The following RNF38 variants were observed in gnomAD, a reference collection of about 807,000 sequenced individuals.
The protein encoded by RNF38 is E3 ubiquitin-protein ligase RNF38.
Under a neutral mutation model 67.2 loss-of-function variants are expected in RNF38, and 15 were observed. That is an observed-to-expected ratio of 0.22 (90% CI 0.15 to 0.34). RNF38 has a LOEUF of 0.34. Ranked by LOEUF, RNF38 falls within the 10% of genes least tolerant of loss-of-function variation. The probability of loss-of-function intolerance (pLI) is 1.00; values close to 1 mark genes in which losing one functional copy is unlikely to be tolerated. For synonymous variants in RNF38, 220 were observed against 218.8 expected, an observed-to-expected ratio of 1.01 and a Z score of -0.05; for missense variants, 524 against 639.9, an observed-to-expected ratio of 0.82 and a Z score of 1.95.
intron 1 of RNF38, among the ~76,000 whole-genome samples, chr9:36,476,193 C>T (rs1038354654): frequency 6.6e-5 from 10 of 152,060 alleles, no homozygotes; most frequent in African/African-American, 9.7e-5. Context: ...GGCGTGATCT[C>T]GACTCACTGC....
chr9:36,416,900 G>GTGCC (rs990627115), intron 2 of RNF38, among the ~76,000 whole-genome samples: 1 of 151,840 alleles, frequency 6.6e-6, no homozygotes, highest in African/African-American at 2.4e-5. Flanking sequence ...TTACAGGCAT[G>GTGCC]TGCCACATGC....
intron 1 of RNF38, among the ~76,000 whole-genome samples, chr9:36,481,006 T>TC (rs1840246183): frequency 6.6e-6 from 1 of 151,310 alleles, no homozygotes; most frequent in African/African-American, 2.4e-5. Flanking sequence ...TAGCTTTTTT[T>TC]CTTCTCTTTC....
intron 2 of RNF38, among the ~76,000 whole-genome samples, chr9:36,389,139 A>C (rs1348647724): frequency 6.6e-6 from 1 of 152,142 alleles, no homozygotes; most frequent in Non-Finnish European, 1.5e-5. Context: ...CAAGGAAAAT[A>C]AGGCTTAAGT....
At chr9:36,369,069 C>A (rs1472532225) in intron 4 of RNF38, among the ~76,000 whole-genome samples, 1 of 152,062 alleles carries the variant, frequency 6.6e-6, no homozygotes, top group East Asian at 1.9e-4. Context: ...CTATGAAAAC[C>A]TATAAGCAAA....
At chr9:36,420,536 A>AAAAAAAAAAAAAAAAAAAAAC (rs1289466551) in intron 2 of RNF38, among the ~76,000 whole-genome samples, 1 of 149,504 alleles carries the variant, frequency 6.7e-6, no homozygotes, top group Non-Finnish European at 1.5e-5. Context: ...TGTCTCCAAA[A>AAAAAAAAAAAAAAAAAAAAAC]AAAAAAAAAA....
chr9:36,345,414 G>A (rs1047747317), intron 9 of RNF38, among the ~76,000 whole-genome samples: 8 of 152,166 alleles, frequency 5.3e-5, no homozygotes, highest in African/African-American at 1.9e-4. Flanking sequence ...CTTTGACCCT[G>A]TGAGCTGGAT....
At chr9:36,433,442 T>G (rs1172582965) in intron 1 of RNF38, among the ~76,000 whole-genome samples, 1 of 151,672 alleles carries the variant, frequency 6.6e-6, no homozygotes, top group Non-Finnish European at 1.5e-5. Context: ...TAAAAATTTT[T>G]AAAAAAGAAA....
rs1408658361 is a variant in RNF38, at chr9:36,353,229, A to T, written c.1012T>A (p.Ser338Thr). ...PSAHPPTLPP[S>T]APLQFLTHDP... The stretch of plus-strand genomic sequence containing the variant: ...TGTGTTAAGAACTGCAAGGGAGCTG[A>T]TGGAGGTAATGTTGGGGGGTGGGCT... Residue 338 changes from serine (S) to threonine (T), a missense_variant, in exon 7 of 12, where the codon TCA (serine) becomes ACA (threonine). Physicochemically the swap from Ser to Thr is moderately conservative, Grantham distance 58. This residue lies in a region of RNF38 where 461 missense variants were observed against 517.4 expected (regional missense o/e 0.89). Transcript: ENST00000259605. 1.2e-6 allele frequency: 2 copies of T among 1,613,254 alleles called. No homozygotes were observed. The highest frequency in any genetic ancestry group is 1.7e-6 in the Non-Finnish European group (2 of 1,179,232).
intron 9 of RNF38, among the ~76,000 whole-genome samples, chr9:36,350,602 T>G (rs982355550): frequency 3.9e-5 from 6 of 152,244 alleles, no homozygotes; most frequent in African/African-American, 1.4e-4. Context: ...CTCAAACATT[T>G]TGGCTTCCAC....
At chr9:36,450,093 C>T (rs1839400625) in intron 1 of RNF38, among the ~76,000 whole-genome samples, 1 of 152,096 alleles carries the variant, frequency 6.6e-6, no homozygotes, top group South Asian at 2.1e-4. Flanking sequence ...ACATAAACTT[C>T]ACCATTTTAA....
chr9:36,484,507 T>C (rs758947567), intron 1 of RNF38, among the ~76,000 whole-genome samples: 10 of 152,206 alleles, frequency 6.6e-5, no homozygotes, highest in Non-Finnish European at 1.3e-4. Context: ...CTCTATACCC[T>C]ACACCCAACA....
chr9:36,342,226 G>A (rs1832908954), intron 11 of RNF38, 99 bp downstream of exon 11: 1 of 824,566 alleles, frequency 1.2e-6, no homozygotes, highest in Non-Finnish European at 2.0e-6. Flanking sequence ...TTTCCATTTT[G>A]TCTTCCTTCC....
At chr9:36,366,664 G>A (rs748189262) in intron 4 of RNF38, among the ~76,000 whole-genome samples, 9 of 152,060 alleles carry the variant, frequency 5.9e-5, no homozygotes, top group Non-Finnish European at 1.2e-4. Flanking sequence ...TGCTGGCTTG[G>A]CCTACTGAAT....
chr9:36,450,242 T>G (rs999183741), intron 1 of RNF38, among the ~76,000 whole-genome samples: 1 of 151,954 alleles, frequency 6.6e-6, no homozygotes, highest in Admixed American at 6.6e-5. Context: ...CAGTAAGCAG[T>G]AACTTCCCAC....
rs1008383190 is a variant in RNF38, at chr9:36,337,489, CTG to C, written c.*2261_*2262del. ...TACTCCTAGTCATTAGTACAATGTG[CTG>C]TGTTAATTAGATACCTCTATATAAA... On this transcript the variant is annotated 3_prime_UTR_variant, in exon 12 of 12. Coordinates refer to ENST00000259605, the MANE Select transcript of RNF38 (RefSeq NM_022781.5). 4 of 152,726 alleles carry C rather than the reference CTG, an allele frequency of 2.6e-5. No homozygotes were observed. Among genetic ancestry groups the C allele is most frequent in the Middle Eastern group, 3.4e-3 (1 of 294 alleles). 9.5% of individuals were successfully genotyped at this position (152,726 alleles called of 1,614,324 possible). A position where few individuals can be genotyped will look rare whatever the true frequency, so the allele number is the denominator to read the frequency against.
chr9:36,458,597 C>A (rs779180715), intron 1 of RNF38, among the ~76,000 whole-genome samples: 1 of 151,922 alleles, frequency 6.6e-6, no homozygotes, highest in South Asian at 2.1e-4. Context: ...ACACTCACTG[C>A]GAAGATCTGC....
chr9:36,461,155 C>T (rs1347110705), intron 1 of RNF38, among the ~76,000 whole-genome samples: 2 of 151,592 alleles, frequency 1.3e-5, no homozygotes, highest in Non-Finnish European at 2.9e-5. Context: ...GCGGAGATTG[C>T]GGTGAGCCAA....
intron 1 of RNF38, among the ~76,000 whole-genome samples, chr9:36,397,515 A>G (rs923114918): frequency 3.9e-5 from 6 of 152,196 alleles, no homozygotes; most frequent in African/African-American, 7.2e-5. Context: ...CCGGACAATC[A>G]TTTCTAAACA....
At chr9:36,396,970 A>G (rs1162870487) in intron 1 of RNF38, among the ~76,000 whole-genome samples, 1 of 151,782 alleles carries the variant, frequency 6.6e-6, no homozygotes. Context: ...TAAAAAAAAA[A>G]TCATTCTCTC....
Sources: allele counts gnomAD v4.1 joint callset (sites outside exome capture counted in the v4.1 genomes callset), GRCh38; gene constraint gnomAD v4.1.1; regional missense constraint gnomAD v4.1.1; transcripts MANE v1.5; gene names NCBI Gene and HGNC (gene_info 2026-07-23, HGNC 2026-07-21).